ANKS1B: variants seen among roughly 807,000 people sequenced by gnomAD.
ANKS1B encodes ankyrin repeat and sterile alpha motif domain-containing protein 1B.
In ANKS1B, 36 loss-of-function variants were observed where a neutral mutation model predicts 148.3. The ratio of observed to expected loss-of-function variants is 0.24; its 90% confidence interval spans 0.19 to 0.32. ANKS1B has a LOEUF of 0.32. ANKS1B is among the 10% of genes least tolerant of loss of function. ANKS1B has a pLI of 1.00. For synonymous variants in ANKS1B, 542 were observed against 560.8 expected (o/e 0.97, Z 0.47); for missense variants, 1,157 against 1,542.6 (o/e 0.75, Z 4.19).
At chr12:99,419,517 T>C (rs1449201368) in intron 11 of ANKS1B, among the ~76,000 whole-genome samples, 1 of 152,144 alleles carries the variant, frequency 6.6e-6, no homozygotes, top group Non-Finnish European at 1.5e-5. Flanking sequence ...TTAAGAACAG[T>C]AGGAAATAAC....
chr12:99,755,963 T>C (rs2061530589), intron 8 of ANKS1B, among the ~76,000 whole-genome samples: 1 of 152,036 alleles, frequency 6.6e-6, no homozygotes, highest in East Asian at 1.9e-4. Context: ...AAGAGCCATA[T>C]ATGACAAACC....
chr12:98,866,492 T>G (rs981051976), intron 17 of ANKS1B, among the ~76,000 whole-genome samples: 5 of 152,210 alleles, frequency 3.3e-5, no homozygotes, highest in Non-Finnish European at 5.9e-5. Context: ...CATGTGCACA[T>G]TGGGAGGGCT....
intron 12 of ANKS1B, among the ~76,000 whole-genome samples, chr12:99,301,825 A>C (rs990428377): frequency 1.3e-5 from 2 of 150,988 alleles, no homozygotes; most frequent in Non-Finnish European, 2.9e-5. Flanking sequence ...AGTGTTATAT[A>C]AAAAAAGGCA....
At chr12:99,247,350 A>G (rs1411153125) in intron 12 of ANKS1B, among the ~76,000 whole-genome samples, 1 of 152,234 alleles carries the variant, frequency 6.6e-6, no homozygotes, top group Admixed American at 6.5e-5. Context: ...GAAAAAAGGT[A>G]TTATTAAAAG....
chr12:99,917,182 C>A (rs1310540235), intron 1 of ANKS1B, among the ~76,000 whole-genome samples: 2 of 152,144 alleles, frequency 1.3e-5, no homozygotes, highest in Admixed American at 1.3e-4. Flanking sequence ...CTGGAAGAAG[C>A]AATACTTCAT....
At chr12:99,124,906 A>C (rs569329633) in intron 15 of ANKS1B, among the ~76,000 whole-genome samples, 10 of 152,190 alleles carry the variant, frequency 6.6e-5, no homozygotes, top group Non-Finnish European at 1.3e-4. Flanking sequence ...CGGCAATGGG[A>C]AAGTCACTGA....
intron 17 of ANKS1B, among the ~76,000 whole-genome samples, chr12:98,948,622 C>T (rs922293863): frequency 1.3e-5 from 2 of 152,016 alleles, no homozygotes; most frequent in African/African-American, 2.4e-5. Flanking sequence ...GGAAGGGAAG[C>T]GACACTAAAT....
intron 12 of ANKS1B, among the ~76,000 whole-genome samples, chr12:99,277,281 A>G (rs558343163): frequency 6.6e-6 from 1 of 152,186 alleles, no homozygotes; most frequent in African/African-American, 2.4e-5. Flanking sequence ...TGAGTACCCA[A>G]TGAAAGGAAG....
chr12:99,084,669 G>C (rs888743840), intron 16 of ANKS1B, among the ~76,000 whole-genome samples: 1 of 152,172 alleles, frequency 6.6e-6, no homozygotes. Context: ...AGTGAGCCTA[G>C]ATCATACCAT....
At chr12:99,077,672 G>A (rs1381293644) in intron 16 of ANKS1B, among the ~76,000 whole-genome samples, 8 of 152,168 alleles carry the variant, frequency 5.3e-5, no homozygotes, top group Non-Finnish European at 1.2e-4. Flanking sequence ...TGAATGTTAA[G>A]GACTTAGAGA....
At chr12:99,049,373 G>A (rs890300659) in intron 17 of ANKS1B, among the ~76,000 whole-genome samples, 13 of 151,790 alleles carry the variant, frequency 8.6e-5, no homozygotes, top group South Asian at 2.1e-4. Context: ...TAAAGTTATC[G>A]CAACTTTAGC....
chr12:99,275,952 A>T (rs1195293684), intron 12 of ANKS1B, among the ~76,000 whole-genome samples: 1 of 152,226 alleles, frequency 6.6e-6, no homozygotes, highest in Non-Finnish European at 1.5e-5. Flanking sequence ...TCCCAGTGTC[A>T]GCAATTTAAA....
intron 9 of ANKS1B, among the ~76,000 whole-genome samples, chr12:99,506,189 T>C (rs2096710305): frequency 6.6e-6 from 1 of 152,064 alleles, no homozygotes; most frequent in Non-Finnish European, 1.5e-5. Context: ...TTGCAGACCA[T>C]CTGTATGTGC....
intron 12 of ANKS1B, among the ~76,000 whole-genome samples, chr12:99,368,040 CG>C (rs1455225761): frequency 6.6e-6 from 1 of 151,966 alleles, no homozygotes; most frequent in African/African-American, 2.4e-5. Flanking sequence ...TAATACGACT[CG>C]GAGAGAAAAT....
chr12:99,294,628 G>T (rs1438479390), intron 12 of ANKS1B, among the ~76,000 whole-genome samples: 1 of 152,042 alleles, frequency 6.6e-6, no homozygotes, highest in African/African-American at 2.4e-5. Context: ...ACATAACAGG[G>T]TGACTACAGT....
intron 9 of ANKS1B, among the ~76,000 whole-genome samples, chr12:99,592,480 G>GA (rs60935160): frequency 0.2 from 25,961 of 130,426 alleles, 2,733 homozygotes; most frequent in East Asian, 0.33. Flanking sequence ...GATTGGAAAT[G>GA]AAAAAAAAAA....
chr12:99,638,706 C>G (rs2098269074), intron 9 of ANKS1B, among the ~76,000 whole-genome samples: 1 of 152,154 alleles, frequency 6.6e-6, no homozygotes, highest in Admixed American at 6.5e-5. Context: ...TGTTAATCAC[C>G]AAGACAATGG....
intron 9 of ANKS1B, among the ~76,000 whole-genome samples, chr12:99,510,773 C>A (rs984690769): frequency 6.6e-6 from 1 of 151,976 alleles, no homozygotes; most frequent in South Asian, 2.1e-4. Flanking sequence ...TGCTATCAAA[C>A]AGCTTTGCAT....
At chr12:99,493,959 A>G (rs2096578670) in intron 10 of ANKS1B, among the ~76,000 whole-genome samples, 1 of 152,162 alleles carries the variant, frequency 6.6e-6, no homozygotes, top group African/African-American at 2.4e-5. Flanking sequence ...TATAGAGAGA[A>G]AAAAGTAAAA....
Sources: gnomAD v4.1 joint callset for allele counts (sites outside exome capture counted in the v4.1 genomes callset) on GRCh38, gnomAD v4.1.1 for gene constraint, MANE v1.5 for transcripts, NCBI Gene and HGNC (gene_info 2026-07-23, HGNC 2026-07-21) for gene names.